Variants in TNN observed in about 807,000 individuals in gnomAD.
The protein encoded by TNN is tenascin-N.
Under a neutral mutation model 134.4 loss-of-function variants are expected in TNN, and 122 were observed. The observed-to-expected ratio is 0.91, with a 90% CI of 0.78 to 1.06. The LOEUF is 1.06. TNN is among the 50% of genes least tolerant of loss of function. The pLI is 0.00. For synonymous variants in TNN, 710 were observed against 670.3 expected, an observed-to-expected ratio of 1.06 and a Z score of -0.91; for missense variants, 1,739 against 1,699.4, an observed-to-expected ratio of 1.02 and a Z score of -0.41.
intron 9 of TNN, among the ~76,000 whole-genome samples, chr1:175,116,607 G>A (rs891794361): frequency 6.6e-6 from 1 of 152,206 alleles, no homozygotes; most frequent in Non-Finnish European, 1.5e-5. Flanking sequence ...TGAACTGTCC[G>A]GAGCCACAAC....
chr1:175,083,158 T>C (rs1389476326), intron 4 of TNN, among the ~76,000 whole-genome samples: 1 of 152,168 alleles, frequency 6.6e-6, no homozygotes, highest in Non-Finnish European at 1.5e-5. Context: ...TACACTCAGA[T>C]GGACCAAGTT....
intron 9 of TNN, among the ~76,000 whole-genome samples, chr1:175,100,223 GC>G (rs961221189): frequency 2.0e-5 from 3 of 152,184 alleles, no homozygotes; most frequent in Non-Finnish European, 4.4e-5. Context: ...ATTCTTTGCT[GC>G]AGAGGTCTAT....
rs186279834 is a variant in TNN, at chr1:175,081,889, A to C, written c.1048+1463A>C. On this transcript the variant is annotated intron_variant, in intron 4 of 18. Transcript: ENST00000239462. Reference sequence around the variant, plus strand: ...AGAGCCTCTCCCCTCTGAGAGGCTGAAGTTGGTGATTGTAACAGAAGTGGC... The same window carrying C: ...AGAGCCTCTCCCCTCTGAGAGGCTGCAGTTGGTGATTGTAACAGAAGTGGC... 4.6e-3 allele frequency among the ~76,000 whole-genome samples: 707 copies of C among 152,300 alleles called. 2 individuals are homozygous for C. Among genetic ancestry groups the C allele is most frequent in the Non-Finnish European group, 8.0e-3 (542 of 68,024 alleles).
At chr1:175,070,577 T>C (rs1022685931) in intron 1 of TNN, among the ~76,000 whole-genome samples, 1 of 152,212 alleles carries the variant, frequency 6.6e-6, no homozygotes, top group Admixed American at 6.5e-5. Flanking sequence ...CTAAGCCCTA[T>C]CACATAAAAC....
At chr1:175,072,820 C>T (rs1217980545) in intron 1 of TNN, among the ~76,000 whole-genome samples, 1 of 151,794 alleles carries the variant, frequency 6.6e-6, no homozygotes, top group Admixed American at 6.6e-5. Flanking sequence ...ACACCAAGGG[C>T]TCCAACAGGG....
chr1:175,109,671 T>C (rs1380566318), intron 9 of TNN, among the ~76,000 whole-genome samples: 1 of 148,748 alleles, frequency 6.7e-6, no homozygotes, highest in African/African-American at 2.4e-5. Flanking sequence ...TGTATATATA[T>C]ATTATATATA....
intron 15 of TNN, among the ~76,000 whole-genome samples, chr1:175,134,788 T>C (rs1204283796): frequency 1.3e-5 from 2 of 152,124 alleles, no homozygotes; most frequent in Non-Finnish European, 2.9e-5. Flanking sequence ...TCCAAGCTAC[T>C]GTCCCCCTTC....
In TNN at chr1:175,129,582, A is replaced by G. The variant is rs1448696452; in HGVS notation, c.3330+836A>G. 2.6e-5 allele frequency among the ~76,000 whole-genome samples: 4 copies of G among 151,818 alleles called. No homozygotes were observed. The East Asian group carries it at 7.7e-4, about 29-fold the overall frequency. On this transcript the variant is annotated intron_variant, in intron 15 of 18. Coordinates refer to ENST00000239462, the MANE Select transcript of TNN (RefSeq NM_022093.2). The stretch of plus-strand genomic sequence containing the variant: ...GTATTACCTATATTTTACCTTCTTC[A>G]AAGCACTTCTGTACACATGACCCTC...
chr1:175,083,851 C>T lies in TNN; in HGVS notation c.1150C>T (p.Arg384Ter), dbSNP rs141604924. 3.3e-5 allele frequency: 53 copies of T among 1,614,140 alleles called. No individual in the cohort carries two copies. Among genetic ancestry groups the T allele is most frequent in the Admixed American group, 8.3e-5 (5 of 60,026 alleles). ...AACTGAGGTGGACTACTACAAGCTGCGATATGGCCCCATGACAGGACAGGA... is the reference window on the plus strand; with the variant it reads ...AACTGAGGTGGACTACTACAAGCTGTGATATGGCCCCATGACAGGACAGGA... ...PSTEVDYYKL[R>*]YGPMTGQEVA... The change falls in exon 5 of 19, where the codon CGA becomes TGA. Residue 384 changes from arginine to a stop codon, truncating the protein, a stop_gained. Transcript: ENST00000239462. LOFTEE classifies it high-confidence loss of function.
chr1:175,139,325 TTTTC>T (rs1675892010), intron 17 of TNN, among the ~76,000 whole-genome samples: 1 of 152,238 alleles, frequency 6.6e-6, no homozygotes, highest in African/African-American at 2.4e-5. Flanking sequence ...TACAAACATA[TTTTC>T]TTTCTTTATA....
Position 175,128,672 on chromosome 1 carries a change from A to G in TNN, c.3256A>G (p.Ile1086Val), listed in dbSNP as rs771991287. The G allele has an allele frequency of 1.2e-6, 2 of 1,613,918 alleles. No individual in the cohort carries two copies. Among genetic ancestry groups the G allele is most frequent in the African/African-American group, 2.7e-5 (2 of 74,896 alleles). Residue 1086 changes from isoleucine (I) to valine (V), a missense_variant, in exon 15 of 19, where the codon ATC becomes GTC. Transcript: ENST00000239462. Reference sequence around the variant, plus strand: ...CAATGCCGCCAGTGGTCTGTACACCATCTACCTGCATGGCGATGCCAGCCG... The same window carrying G: ...CAATGCCGCCAGTGGTCTGTACACCGTCTACCTGCATGGCGATGCCAGCCG... ...NSNAASGLYT[I>V]YLHGDASRPL...
intron 1 of TNN, among the ~76,000 whole-genome samples, chr1:175,077,127 G>A (rs1674059651): frequency 6.6e-6 from 1 of 152,150 alleles, no homozygotes; most frequent in Non-Finnish European, 1.5e-5. Context: ...TTATTAATAA[G>A]TGCAGGTGAG....
intron 8 of TNN, 62 bp from the exon 9 acceptor site, chr1:175,098,270 G>A (rs1674622403): frequency 6.2e-7 from 1 of 1,606,054 alleles, no homozygotes; most frequent in South Asian, 1.1e-5. Flanking sequence ...GATGAAGATG[G>A]GGGTAAGGAT....
chr1:175,077,971 T>C, intron 2 of TNN, 144 bp downstream of exon 2: 1 of 839,046 alleles, frequency 1.2e-6, no homozygotes, highest in South Asian at 1.8e-5. Context: ...GGCCCATCCC[T>C]GCTATTTATT....
intron 11 of TNN, among the ~76,000 whole-genome samples, chr1:175,121,705 G>A (rs79520710): frequency 4.4e-5 from 1 of 22,520 alleles, no homozygotes; most frequent in African/African-American, 1.5e-4. Flanking sequence ...AGGTATGGAT[G>A]ATAATACCTG....
chr1:175,081,030 G>T (rs1674188613), intron 4 of TNN, among the ~76,000 whole-genome samples: 1 of 152,186 alleles, frequency 6.6e-6, no homozygotes, highest in African/African-American at 2.4e-5. Flanking sequence ...TTGGTAGAGG[G>T]ATGCAGGCAG....
intron 1 of TNN, among the ~76,000 whole-genome samples, chr1:175,074,689 T>G (rs577848812): frequency 6.6e-6 from 1 of 152,094 alleles, no homozygotes; most frequent in Non-Finnish European, 1.5e-5. Context: ...GGAAGAGCCA[T>G]GAAGGAGTGG....
intron 15 of TNN, 28 bp from the exon 16 acceptor site, chr1:175,135,817 A>G (rs1356396329): frequency 1.3e-6 from 2 of 1,573,698 alleles, no homozygotes; most frequent in South Asian, 1.1e-5. Context: ...TTGGAGGGTC[A>G]GAGTGAAGTA....
chr1:175,144,854 T>C (rs957848580), intron 18 of TNN, among the ~76,000 whole-genome samples: 5 of 152,234 alleles, frequency 3.3e-5, no homozygotes, highest in Admixed American at 2.6e-4. Context: ...ATTTTACTAG[T>C]TCACACACTG....
Sources: gnomAD v4.1 joint callset for allele counts (sites outside exome capture counted in the v4.1 genomes callset) on GRCh38, gnomAD v4.1.1 for gene constraint, MANE v1.5 for transcripts, NCBI Gene and HGNC (gene_info 2026-07-23, HGNC 2026-07-21) for gene names.